Variants in MACROD1 observed in about 807,000 individuals in gnomAD.
MACROD1 encodes the protein mono-ADP ribosylhydrolase 1.
Under a neutral mutation model 41.4 loss-of-function variants are expected in MACROD1, and 31 were observed. The observed-to-expected ratio is 0.75, with a 90% CI of 0.56 to 1.01. MACROD1 has a LOEUF of 1.01. Ranked by LOEUF, MACROD1 falls within the 50% of genes least tolerant of loss-of-function variation. The probability of loss-of-function intolerance (pLI) is 0.00; values close to 1 mark genes in which losing one functional copy is unlikely to be tolerated. For missense variants in MACROD1, 473 were observed against 460.0 expected (o/e 1.03, Z -0.26); for synonymous variants, 252 against 203.4 (o/e 1.24, Z -2.03).
chr11:64,029,764 T>A (rs765568387), intron 3 of MACROD1, among the ~76,000 whole-genome samples: 49 of 152,100 alleles, frequency 3.2e-4, no homozygotes, highest in Non-Finnish European at 5.4e-4. Flanking sequence ...AGTTCACATC[T>A]CCTTCCTGAA....
At chr11:64,157,722 T>C (rs910122404) in intron 1 of MACROD1, among the ~76,000 whole-genome samples, 2 of 152,038 alleles carry the variant, frequency 1.3e-5, no homozygotes, top group African/African-American at 4.8e-5. Flanking sequence ...TTAAGAAGTG[T>C]CTTTATGGCA....
At chr11:64,119,642 A>G (rs886744337) in intron 3 of MACROD1, among the ~76,000 whole-genome samples, 15 of 152,150 alleles carry the variant, frequency 9.9e-5, no homozygotes, top group Admixed American at 4.6e-4. Context: ...CTGAATGTAG[A>G]AAACTCAGCT....
At chr11:64,157,439 G>C (rs1945686719) in intron 1 of MACROD1, among the ~76,000 whole-genome samples, 1 of 152,154 alleles carries the variant, frequency 6.6e-6, no homozygotes, top group Admixed American at 6.6e-5. Flanking sequence ...CTGTAAGAAG[G>C]ACAAATGCAG....
intron 3 of MACROD1, among the ~76,000 whole-genome samples, chr11:64,044,305 G>A (rs1044785767): frequency 2.3e-4 from 34 of 149,192 alleles, no homozygotes; most frequent in African/African-American, 8.5e-4. Flanking sequence ...AGGCTGGAGT[G>A]CAGTGGTGCA....
At chr11:64,143,087 C>T (rs1945436122) in intron 3 of MACROD1, among the ~76,000 whole-genome samples, 1 of 108,424 alleles carries the variant, frequency 9.2e-6, no homozygotes, top group African/African-American at 3.6e-5. Flanking sequence ...GTACTCCAGC[C>T]TGGGGAACAG....
At chr11:63,998,712 T>C in intron 10 of MACROD1, 25 bp from the exon 11 acceptor site, 1 of 1,384,694 alleles carries the variant, frequency 7.2e-7, no homozygotes, top group Non-Finnish European at 9.3e-7. Flanking sequence ...GAGTCAGAGG[T>C]GTCTATGGGC....
rs994072095 is a variant in MACROD1 at position 64,067,651 on chromosome 11, C to A, written c.518-52370G>T. 6.6e-6 allele frequency among the ~76,000 whole-genome samples: 1 copy of A among 152,192 alleles called. No individual in the cohort carries two copies. The highest frequency in any genetic ancestry group is 6.5e-5 in the Admixed American group (1 of 15,288). On this transcript the variant is annotated intron_variant, in intron 3 of 10. Coordinates refer to ENST00000255681, the MANE Select transcript of MACROD1 (RefSeq NM_014067.4). This position sits in a 1 kb window ranked among gnomAD's most constrained non-coding sequence, Gnocchi z 4.6. ...GCCTCCGGTGCACACACAGGGTCCC[C>A]AAGCAGGCAGCTGGAGGGCTGGGGT...
chr11:64,114,170 G>A (rs530794889), intron 3 of MACROD1, among the ~76,000 whole-genome samples: 6 of 151,256 alleles, frequency 4.0e-5, no homozygotes, highest in African/African-American at 1.2e-4. Context: ...ATGGATGCAT[G>A]GATGCCTGGA....
At chr11:64,125,875 G>A (rs1217177969) in intron 3 of MACROD1, among the ~76,000 whole-genome samples, 1 of 152,208 alleles carries the variant, frequency 6.6e-6, no homozygotes, top group African/African-American at 2.4e-5. Context: ...CCCTGCATCT[G>A]GAGCCACCCA....
intron 3 of MACROD1, chr11:64,081,944 C>T (rs1460608957): frequency 6.6e-6 from 1 of 152,234 alleles, no homozygotes; most frequent in Non-Finnish European, 1.5e-5. Context: ...GTGCCGCGTT[C>T]TACCTGCTGT....
Position 64,123,357 on chromosome 11 carries a change from A to T in MACROD1, c.517+27882T>A, listed in dbSNP as rs1214559497. 2.6e-5 allele frequency among the ~76,000 whole-genome samples: 4 copies of T among 151,994 alleles called. No individual in the cohort carries two copies. The East Asian group carries it at 7.7e-4, about 29-fold the overall frequency. On this transcript the variant is annotated intron_variant, in intron 3 of 10. Transcript: ENST00000255681. Reference sequence around the variant, plus strand: ...GAGGAGGCATTTTTTTTTCTTAAGGAGGGATAAAAAGGCTCAAAAATGCAA... The same window carrying T: ...GAGGAGGCATTTTTTTTTCTTAAGGTGGGATAAAAAGGCTCAAAAATGCAA...
Position 64,014,114 on chromosome 11 carries a change from G to A in MACROD1, c.547+1138C>T, listed in dbSNP as rs913897457. Among the ~76,000 whole-genome samples, 5 of 152,124 alleles carry A rather than the reference G, an allele frequency of 3.3e-5. No individual in the cohort carries two copies. The South Asian group carries it at 1.0e-3, about 32-fold the overall frequency. On this transcript the variant is annotated intron_variant, in intron 4 of 10. Transcript: ENST00000255681. ...TGTCCTGGCACCCAGCTCGGGGCCC[G>A]GCACACAGGGGTGATCAATGAACGG... is the stretch of plus-strand genomic sequence containing the variant.
intron 3 of MACROD1, among the ~76,000 whole-genome samples, chr11:64,044,028 T>C (rs1476693865): frequency 6.6e-6 from 1 of 152,060 alleles, no homozygotes; most frequent in East Asian, 1.9e-4. Context: ...TTAGGCAGGA[T>C]GGTCTCGAAC....
rs577685206 is a variant in MACROD1 at position 64,100,571 on chromosome 11, C to T, written c.517+50668G>A. Among the ~76,000 whole-genome samples, 8 of 152,262 alleles carry T rather than the reference C, an allele frequency of 5.3e-5. No homozygotes were observed. In the South Asian group the frequency reaches 6.2e-4, roughly 12 times the overall value. ...GCCACTGGGGGTGCTGTGGCTCTGG[C>T]GGGAGGTGTCTGCCAGGCGCACGCA... On this transcript the variant is annotated intron_variant, in intron 3 of 10. Coordinates refer to ENST00000255681, the MANE Select transcript of MACROD1 (RefSeq NM_014067.4).
At chr11:64,113,253 C>T (rs693984) in intron 3 of MACROD1, among the ~76,000 whole-genome samples, 81,044 of 152,132 alleles carry the variant, frequency 0.53, 24,674 homozygotes, top group Non-Finnish European at 0.68. Flanking sequence ...CTCAGCAAAG[C>T]CTTTATTATA....
chr11:64,117,102 G>A, intron 3 of MACROD1: 1 of 1,606,376 alleles, frequency 6.2e-7, no homozygotes, highest in Non-Finnish European at 8.5e-7. Context: ...CTACCTGCAG[G>A]ACAATGCCAT....
At chr11:64,164,976 G>A (rs1468404632) in intron 1 of MACROD1, among the ~76,000 whole-genome samples, 6 of 152,230 alleles carry the variant, frequency 3.9e-5, no homozygotes, top group African/African-American at 1.4e-4. Flanking sequence ...GATTCTTGAA[G>A]GGTGTCATCA....
At chr11:64,117,942 G>A (rs760989622) in intron 3 of MACROD1, 8 of 1,613,734 alleles carry the variant, frequency 5.0e-6, no homozygotes, top group South Asian at 1.1e-5. Context: ...CATCATCGGC[G>A]GGGCAGTGGC....
chr11:64,000,399 G>A, intron 4 of MACROD1, 56 bp from the exon 5 acceptor site: 1 of 1,200,002 alleles, frequency 8.3e-7, no homozygotes, highest in Non-Finnish European at 1.1e-6. Flanking sequence ...GCCCCGGGGT[G>A]AGCACCCTCA....
Sources: allele counts gnomAD v4.1 joint callset (sites outside exome capture counted in the v4.1 genomes callset), GRCh38; gene constraint gnomAD v4.1.1; non-coding constraint Gnocchi (gnomAD v3.1); transcripts MANE v1.5; gene names NCBI Gene and HGNC (gene_info 2026-07-23, HGNC 2026-07-21).